The following ZHX2 variants were observed in gnomAD, a reference collection of about 807,000 sequenced individuals.
The protein encoded by ZHX2 is zinc fingers and homeoboxes 2.
ZHX2 carries 6 observed loss-of-function variants against 21.9 expected under a neutral mutation model. The ratio of observed to expected loss-of-function variants is 0.27; its 90% CI spans 0.15 to 0.54. The LOEUF (loss-of-function observed/expected upper bound fraction) is 0.54, where lower values mean the gene tolerates loss of function less well. Among genes scored for constraint, ZHX2 ranks in the 20% least tolerant of loss-of-function variants. The pLI, the probability that ZHX2 is intolerant of heterozygous loss-of-function variation, is 0.95. For synonymous variants in ZHX2, 434 were observed against 437.1 expected (o/e 0.99, Z 0.09); for missense variants, 908 against 1,090.7 (o/e 0.83, Z 2.36).
chr8:122,946,506 C>T (rs1026476796), intron 2 of ZHX2, among the ~76,000 whole-genome samples: 2 of 152,092 alleles, frequency 1.3e-5, no homozygotes, highest in Non-Finnish European at 2.9e-5. Flanking sequence ...TTTTGAACCA[C>T]AATTTTTGGA....
At chr8:122,892,035 A>C (rs1444678814) in intron 2 of ZHX2, among the ~76,000 whole-genome samples, 3 of 152,126 alleles carry the variant, frequency 2.0e-5, no homozygotes, top group Non-Finnish European at 4.4e-5. Context: ...GTCCTCAGCT[A>C]TTATTATATT....
At chr8:122,889,301 A>G (rs918600042) in intron 2 of ZHX2, among the ~76,000 whole-genome samples, 4 of 152,158 alleles carry the variant, frequency 2.6e-5, no homozygotes, top group Non-Finnish European at 4.4e-5. Context: ...AGGAACTTCT[A>G]TACTATTTTC....
At chr8:122,863,255 C>T (rs1418067014) in intron 1 of ZHX2, 1 of 144,014 alleles carries the variant, frequency 6.9e-6, no homozygotes, top group Non-Finnish European at 1.5e-5. Flanking sequence ...TCATCCAGGG[C>T]TAGGGTCTTT....
rs894038241 is a variant in ZHX2 at position 122,785,297 on chromosome 8, A to G, written c.-283+3351A>G. Among the ~76,000 whole-genome samples, 38 of 152,300 alleles carry G rather than the reference A, an allele frequency of 2.5e-4. 1 individual carries two copies. Among genetic ancestry groups the G allele is most frequent in the African/African-American group, 8.9e-4 (37 of 41,554 alleles). ...CCAGATAGGGACTTTTTTGTGTCAGACAACAACGGGGTGAGGGGTAAAGGG... is the reference window on the plus strand; with the variant it reads ...CCAGATAGGGACTTTTTTGTGTCAGGCAACAACGGGGTGAGGGGTAAAGGG... On this transcript the variant is annotated intron_variant, in intron 1 of 3. Coordinates refer to ENST00000314393, the MANE Select transcript of ZHX2 (RefSeq NM_014943.5).
chr8:122,961,189 C>G (rs1813433255), intron 3 of ZHX2, among the ~76,000 whole-genome samples: 1 of 152,232 alleles, frequency 6.6e-6, no homozygotes, highest in Non-Finnish European at 1.5e-5. Flanking sequence ...CTTGCCAACA[C>G]CCACCTTCTC....
rs546049181 is a variant in ZHX2, at chr8:122,858,528, T to G, written c.-282-4949T>G. 3.3e-5 allele frequency among the ~76,000 whole-genome samples: 5 copies of G among 152,236 alleles called. No individual in the cohort carries two copies. The East Asian group carries it at 9.7e-4, about 29-fold the overall frequency. On this transcript the variant is annotated intron_variant, in intron 1 of 3. Transcript: ENST00000314393. ...TTTTCTCCATATGACCAGTAATTTC[T>G]GGCAAAAGGAGTCCTGAGCCAGTAA...
rs144933126 is a variant in ZHX2, at chr8:122,826,984, T to C, written c.-282-36493T>C. 5.4e-3 allele frequency among the ~76,000 whole-genome samples: 823 copies of C among 152,238 alleles called. 5 individuals carry two copies. The highest frequency in any genetic ancestry group is 0.019 in the African/African-American group (781 of 41,528). On this transcript the variant is annotated intron_variant, in intron 1 of 3. Coordinates refer to ENST00000314393, the MANE Select transcript of ZHX2 (RefSeq NM_014943.5). The stretch of plus-strand genomic sequence containing the variant: ...CGGAGGTGAGAAAGCCTAGGATGGA[T>C]GAATTTAGAAAATGACAAGCTCTGA...
chr8:122,973,781 G>A lies in ZHX2; in HGVS notation c.*544G>A, dbSNP rs182792068. 104 of 152,600 alleles carry A rather than the reference G, an allele frequency of 6.8e-4. No homozygotes were observed. The highest frequency in any genetic ancestry group is 2.3e-3 in the African/African-American group (97 of 41,512). The allele number at this position is 152,600 out of a possible 1,614,324, so 9.5% of individuals were successfully genotyped here. On this transcript the variant is annotated 3_prime_UTR_variant, in exon 4 of 4. Coordinates refer to ENST00000314393, the MANE Select transcript of ZHX2 (RefSeq NM_014943.5). ...TAGGTTGAAATTTGGGAGATTTCTC[G>A]GCAGGAAGGGCTGAAATCCAGGCCC...
chr8:122,921,155 C>T (rs976175079), intron 2 of ZHX2, among the ~76,000 whole-genome samples: 1 of 152,096 alleles, frequency 6.6e-6, no homozygotes, highest in Non-Finnish European at 1.5e-5. Flanking sequence ...TCTCTGCTCA[C>T]TCTGCAACCT....
intron 2 of ZHX2, among the ~76,000 whole-genome samples, chr8:122,898,712 C>T (rs973002124): frequency 3.3e-5 from 5 of 152,256 alleles, no homozygotes; most frequent in African/African-American, 9.6e-5. Flanking sequence ...TAAGCACTTA[C>T]CTGTGTTAAC....
At position 122,952,840 on chromosome 8, in the gene ZHX2, C is replaced by T. The variant is rs760869582; in HGVS notation, c.1330C>T (p.Arg444Cys). Reference sequence around the variant, plus strand: ...CCCCCCGCTCACACCAGCCAGTGACCGCAAGAAGACAAAGGAGCAGATAGC... The same window carrying T: ...CCCCCCGCTCACACCAGCCAGTGACTGCAAGAAGACAAAGGAGCAGATAGC... Reference protein sequence around the residue: ...ANPPLTPASDRKKTKEQIAHL... With the variant: ...ANPPLTPASDCKKTKEQIAHL... The change falls in exon 3 of 4, where the codon CGC (arginine) becomes TGC (cysteine). Residue 444 changes from arginine to cysteine, a missense_variant. Around this residue, in one of 4 missense-constraint regions of ZHX2, gnomAD observed 232 missense variants for 361.8 expected, o/e 0.64. Coordinates refer to ENST00000314393, the MANE Select transcript of ZHX2 (RefSeq NM_014943.5). This position sits in a 1 kb window ranked among gnomAD's most constrained non-coding sequence, Gnocchi z 6.9. 3.7e-6 allele frequency: 6 copies of T among 1,614,128 alleles called. No homozygotes were observed. The highest frequency in any genetic ancestry group is 3.3e-5 in the Admixed American group (2 of 60,024).
chr8:122,833,210 G>A (rs1266764938), intron 1 of ZHX2, among the ~76,000 whole-genome samples: 2 of 152,208 alleles, frequency 1.3e-5, no homozygotes, highest in Non-Finnish European at 2.9e-5. Flanking sequence ...TATGGGTTAG[G>A]AACTGCTGGA....
intron 2 of ZHX2, among the ~76,000 whole-genome samples, chr8:122,950,721 T>C (rs574322018): frequency 1.5e-4 from 23 of 152,218 alleles, no homozygotes; most frequent in Non-Finnish European, 3.1e-4. Context: ...AAATCATTAT[T>C]TTGCTCACTA....
At chr8:122,908,854 G>A (rs538668023) in intron 2 of ZHX2, among the ~76,000 whole-genome samples, 15 of 152,128 alleles carry the variant, frequency 9.9e-5, no homozygotes, top group Admixed American at 2.0e-4. Context: ...TGTTGGCTTC[G>A]GCTCTGAGCA....
At chr8:122,962,588 G>A (rs562360445) in intron 3 of ZHX2, among the ~76,000 whole-genome samples, 11 of 152,272 alleles carry the variant, frequency 7.2e-5, no homozygotes, top group Admixed American at 3.3e-4. Context: ...ATAAACATGC[G>A]TGTGCAAGTG....
rs761254071 is a variant in ZHX2, at chr8:122,954,041, G to C, written c.*4+13G>C. On this transcript the variant is annotated intron_variant, in intron 3 of 3. Transcript: ENST00000314393. ...CAGGCCTAGACAGGTAATTCCACCT[G>C]CTCACCCAGGCAGCAGGGGAGAACG... The C allele has an allele frequency of 1.3e-6, 2 of 1,559,692 alleles. No homozygotes were observed. The highest frequency in any genetic ancestry group is 1.7e-6 in the Non-Finnish European group (2 of 1,151,906).
chr8:122,877,602 A>T (rs1402128987), intron 2 of ZHX2, among the ~76,000 whole-genome samples: 2 of 152,198 alleles, frequency 1.3e-5, no homozygotes, highest in African/African-American at 4.8e-5. Context: ...TTGCTGCCTC[A>T]TCAAAACACG....
chr8:122,858,380 C>A (rs1406677747), intron 1 of ZHX2, among the ~76,000 whole-genome samples: 2 of 152,210 alleles, frequency 1.3e-5, no homozygotes, highest in African/African-American at 2.4e-5. Flanking sequence ...CTTCTACAGG[C>A]CTTTAAAGTT....
chr8:122,907,419 G>C lies in ZHX2; in HGVS notation c.-219-43873G>C, dbSNP rs1053705856. Among the ~76,000 whole-genome samples, 3 of 152,210 alleles carry C rather than the reference G, an allele frequency of 2.0e-5. No individual in the cohort carries two copies. In the East Asian group the frequency reaches 5.8e-4, roughly 29 times the overall value. ...GACACAAATGGTTACATCCTTTTGA[G>C]TCTCTGATTAGCCTTTCCAAAGGAG... On this transcript the variant is annotated intron_variant, in intron 2 of 3. Transcript: ENST00000314393.
Sources: allele counts gnomAD v4.1 joint callset (sites outside exome capture counted in the v4.1 genomes callset), GRCh38; gene constraint gnomAD v4.1.1; regional missense constraint gnomAD v4.1.1; non-coding constraint Gnocchi (gnomAD v3.1); transcripts MANE v1.5; gene names NCBI Gene and HGNC (gene_info 2026-07-23, HGNC 2026-07-21).